INPP4B: variants seen among roughly 807,000 people sequenced by gnomAD.
INPP4B encodes inositol polyphosphate-4-phosphatase type II B, also known as inositol polyphosphate 4-phosphatase type II.
Under a neutral mutation model 122.5 loss-of-function variants are expected in INPP4B, and 55 were observed. The observed-to-expected ratio is 0.45, with a 90% CI of 0.36 to 0.56. The LOEUF (loss-of-function observed/expected upper bound fraction) is 0.56, where lower values mean the gene tolerates loss of function less well. Ranked by LOEUF, INPP4B falls within the 20% of genes least tolerant of loss-of-function variation. INPP4B has a pLI of 0.00. For missense variants in INPP4B, 1,000 were observed against 1,097.7 expected (o/e 0.91, Z 1.26); for synonymous variants, 403 against 388.7 (o/e 1.04, Z -0.43).
At chr4:142,257,020 T>C (rs936696421) in intron 11 of INPP4B, among the ~76,000 whole-genome samples, 4 of 152,178 alleles carry the variant, frequency 2.6e-5, no homozygotes, top group South Asian at 2.1e-4. Flanking sequence ...ATCAAGTGGG[T>C]TTCATCCCTA....
At chr4:142,481,133 CAAAAAAA>C (rs551228788) in intron 2 of INPP4B, among the ~76,000 whole-genome samples, 12 of 57,892 alleles carry the variant, frequency 2.1e-4, no homozygotes, top group Non-Finnish European at 3.7e-4. Flanking sequence ...GACTCTGTCT[CAAAAAAA>C]AAAAAAAAAA....
intron 2 of INPP4B, among the ~76,000 whole-genome samples, chr4:142,635,642 T>C (rs1348868984): frequency 6.6e-6 from 1 of 152,106 alleles, no homozygotes; most frequent in Non-Finnish European, 1.5e-5. Context: ...CACTTGTCAA[T>C]AGGAGCTAAA....
At chr4:142,824,003 C>T (rs1359618922) in intron 1 of INPP4B, among the ~76,000 whole-genome samples, 1 of 152,142 alleles carries the variant, frequency 6.6e-6, no homozygotes, top group Non-Finnish European at 1.5e-5. Context: ...CTGAATAGAA[C>T]AGAAGGTGAG....
At chr4:142,275,550 G>A (rs1175898419) in intron 9 of INPP4B, among the ~76,000 whole-genome samples, 1 of 151,822 alleles carries the variant, frequency 6.6e-6, no homozygotes, top group Non-Finnish European at 1.5e-5. Flanking sequence ...TTCACTGAGT[G>A]AGTGACTGCA....
chr4:142,195,819 A>T (rs1837955353), intron 14 of INPP4B, among the ~76,000 whole-genome samples: 1 of 152,220 alleles, frequency 6.6e-6, no homozygotes, highest in Non-Finnish European at 1.5e-5. Context: ...AAAACATTTG[A>T]CCACAAGCAT....
chr4:142,738,818 A>G (rs1427561690), intron 1 of INPP4B, among the ~76,000 whole-genome samples: 3 of 152,120 alleles, frequency 2.0e-5, no homozygotes, highest in Non-Finnish European at 4.4e-5. Flanking sequence ...GATCAGTAGT[A>G]GAGGAGCTAC....
At chr4:142,366,016 G>C (rs1325335234) in intron 7 of INPP4B, among the ~76,000 whole-genome samples, 4 of 152,080 alleles carry the variant, frequency 2.6e-5, no homozygotes, top group Non-Finnish European at 5.9e-5. Context: ...CAGATCACCT[G>C]AAGCAACTGA....
In INPP4B at chr4:142,034,495, T is replaced by A. The variant is rs193046922; in HGVS notation, c.2643-5581A>T. 6.6e-5 allele frequency among the ~76,000 whole-genome samples: 10 copies of A among 152,072 alleles called. No homozygotes were observed. In the East Asian group the frequency reaches 1.9e-3, roughly 30 times the overall value. Reference sequence around the variant, plus strand: ...TCTCTTTCCACATCTCCTGTCTCCATCAGGAATTCTATTACTCACGCAACC... The same window carrying A: ...TCTCTTTCCACATCTCCTGTCTCCAACAGGAATTCTATTACTCACGCAACC... On this transcript the variant is annotated intron_variant, in intron 25 of 25. Coordinates refer to ENST00000262992, the MANE Select transcript of INPP4B (RefSeq NM_001101669.3).
chr4:142,464,208 A>G (rs1817285777), intron 2 of INPP4B, among the ~76,000 whole-genome samples: 1 of 152,160 alleles, frequency 6.6e-6, no homozygotes, highest in South Asian at 2.1e-4. Context: ...TGTGTATAAA[A>G]ATGTTACCTG....
chr4:142,554,365 T>A (rs1175879193), intron 2 of INPP4B, among the ~76,000 whole-genome samples: 5 of 123,500 alleles, frequency 4.0e-5, no homozygotes, highest in African/African-American at 1.6e-4. Flanking sequence ...CTTGCAATAG[T>A]AAAAAAAAAA....
intron 2 of INPP4B, among the ~76,000 whole-genome samples, chr4:142,655,241 C>T (rs1253735759): frequency 6.6e-6 from 1 of 152,182 alleles, no homozygotes; most frequent in African/African-American, 2.4e-5. Context: ...ATCATCTCAC[C>T]TGGTGGTCCA....
At chr4:142,210,618 A>T (rs1486186884) in intron 12 of INPP4B, among the ~76,000 whole-genome samples, 1 of 152,226 alleles carries the variant, frequency 6.6e-6, no homozygotes, top group Non-Finnish European at 1.5e-5. Flanking sequence ...GTCTAGAAGA[A>T]TCTGAGCAAT....
chr4:142,505,806 C>T (rs1333661215), intron 2 of INPP4B, among the ~76,000 whole-genome samples: 2 of 152,024 alleles, frequency 1.3e-5, no homozygotes, highest in African/African-American at 2.4e-5. Context: ...AGTTAAAATC[C>T]TTAGCATGGC....
chr4:142,412,864 C>T (rs1804897592), intron 5 of INPP4B, among the ~76,000 whole-genome samples: 1 of 152,122 alleles, frequency 6.6e-6, no homozygotes, highest in Non-Finnish European at 1.5e-5. Context: ...GTGTTACTCT[C>T]ATCACTCTGA....
chr4:142,060,993 A>T (rs973744405), intron 25 of INPP4B, among the ~76,000 whole-genome samples: 3 of 152,196 alleles, frequency 2.0e-5, no homozygotes, highest in Admixed American at 6.5e-5. Flanking sequence ...ATCTTTCAGG[A>T]AGAGCAGGAG....
chr4:142,643,600 CT>C (rs970506896), intron 2 of INPP4B, among the ~76,000 whole-genome samples: 3 of 152,046 alleles, frequency 2.0e-5, no homozygotes, highest in African/African-American at 4.8e-5. Context: ...TATATTTCAA[CT>C]TTTTTTGAAA....
chr4:142,191,703 A>T (rs1579235133), intron 15 of INPP4B, among the ~76,000 whole-genome samples: 1 of 152,188 alleles, frequency 6.6e-6, no homozygotes, highest in Admixed American at 6.5e-5. Context: ...TGGTGATGAA[A>T]CAGTTCTATA....
intron 2 of INPP4B, among the ~76,000 whole-genome samples, chr4:142,463,477 C>A (rs1178861127): frequency 1.3e-5 from 2 of 152,142 alleles, no homozygotes; most frequent in Admixed American, 6.5e-5. Context: ...GGAGTTTGTT[C>A]CTAAACTTTG....
chr4:142,289,660 C>G (rs1415348825), intron 9 of INPP4B, among the ~76,000 whole-genome samples: 1 of 152,136 alleles, frequency 6.6e-6, no homozygotes, highest in Non-Finnish European at 1.5e-5. Context: ...CATTAGTTTG[C>G]TAAGGATAAT....
Sources: allele counts gnomAD v4.1 joint callset (sites outside exome capture counted in the v4.1 genomes callset), GRCh38; gene constraint gnomAD v4.1.1; transcripts MANE v1.5; gene names NCBI Gene and HGNC (gene_info 2026-07-23, HGNC 2026-07-21).